The following MAOA variants were observed in gnomAD, a reference collection of about 807,000 sequenced individuals.
MAOA encodes monoamine oxidase A, also known as amine oxidase [flavin-containing] A.
In MAOA, 6 loss-of-function variants were observed where a neutral mutation model predicts 42.0. That is an observed-to-expected ratio of 0.14 (90% CI 0.08 to 0.28). The LOEUF is 0.28. Among genes scored for constraint, MAOA ranks in the 10% least tolerant of loss-of-function variants. The pLI is 1.00. For missense variants in MAOA, 262 were observed against 422.3 expected (o/e 0.62, Z 3.33); for synonymous variants, 140 against 154.0 (o/e 0.91, Z 0.67).
At chrX:43,735,612 A>G (rs966533243) in intron 9 of MAOA, among the ~76,000 whole-genome samples, 3 of 112,635 alleles carry the variant, frequency 2.7e-5, no homozygotes, top group African/African-American at 6.5e-5. Flanking sequence ...TTGAGCTCCA[A>G]TGTTGTCCCA....
In MAOA at chrX:43,746,409, T is replaced by C. The variant is rs748724979; in HGVS notation, c.*1896T>C. 2 of 111,984 alleles carry C rather than the reference T, an allele frequency of 1.8e-5. No homozygotes were observed. The highest frequency in any genetic ancestry group is 3.2e-5 in the African/African-American group (1 of 30,777). The allele number at this position is 111,984 out of a possible 1,213,427, so 9.2% of individuals were successfully genotyped here. On this transcript the variant is annotated 3_prime_UTR_variant, in exon 15 of 15. Coordinates refer to ENST00000338702, the MANE Select transcript of MAOA (RefSeq NM_000240.4). Reference sequence around the variant, plus strand: ...ATTGGAGCTGAGGACTCTCACGATATGCAAGTTCATCCAACGTGAAGATAC... The same window carrying C: ...ATTGGAGCTGAGGACTCTCACGATACGCAAGTTCATCCAACGTGAAGATAC...
At chrX:43,681,878 A>AT (rs1282241261) in intron 1 of MAOA, among the ~76,000 whole-genome samples, 34,787 of 79,676 alleles carry the variant, frequency 0.44, 6,976 homozygotes, top group Non-Finnish European at 0.55. Flanking sequence ...ATATATATAT[A>AT]TATTTTTTTT....
chrX:43,684,707 T>C (rs1399306910), intron 2 of MAOA, among the ~76,000 whole-genome samples: 1 of 110,960 alleles, frequency 9.0e-6, no homozygotes, highest in Non-Finnish European at 1.9e-5. Context: ...AAAGGAAGCA[T>C]CTATCTAACT....
At chrX:43,700,202 A>G (rs190519979) in intron 3 of MAOA, among the ~76,000 whole-genome samples, 227 of 112,145 alleles carry the variant, frequency 2.0e-3, no homozygotes, top group African/African-American at 7.0e-3. Flanking sequence ...CCTCAGAGTA[A>G]AAAGCATTAT....
At chrX:43,724,918 C>T (rs1257419898) in intron 5 of MAOA, among the ~76,000 whole-genome samples, 1 of 111,902 alleles carries the variant, frequency 8.9e-6, no homozygotes, top group Non-Finnish European at 1.9e-5. Flanking sequence ...TTTCTGTCTT[C>T]ATTTTGTTAA....
chrX:43,690,951 G>A (rs1483923589), intron 2 of MAOA, among the ~76,000 whole-genome samples: 1 of 111,217 alleles, frequency 9.0e-6, no homozygotes. Flanking sequence ...GGTAAAAAGG[G>A]AATAAATCAA....
intron 2 of MAOA, among the ~76,000 whole-genome samples, chrX:43,686,232 C>T (rs765736149): frequency 1.3e-4 from 15 of 112,138 alleles, no homozygotes; most frequent in Middle Eastern, 4.2e-3. Context: ...GAGCATTAGT[C>T]ATGTTGCGGA....
At chrX:43,737,363 G>A (rs2033927675) in intron 10 of MAOA, among the ~76,000 whole-genome samples, 1 of 111,888 alleles carries the variant, frequency 8.9e-6, no homozygotes. Context: ...TAGTGCATTT[G>A]TGATACTGTA....
In MAOA at chrX:43,745,453, A is replaced by G. The variant is rs775403354; in HGVS notation, c.*940A>G. On this transcript the variant is annotated 3_prime_UTR_variant, in exon 15 of 15. Coordinates refer to ENST00000338702, the MANE Select transcript of MAOA (RefSeq NM_000240.4). ...CAGTTTTCTTTTAATTTTTCCTATG[A>G]CCATAAAATTAGACATACCTCTCAA... The G allele has an allele frequency of 3.4e-4, 38 of 112,042 alleles. No homozygotes were observed. Among genetic ancestry groups the G allele is most frequent in the Non-Finnish European group, 6.4e-4 (34 of 53,221 alleles). 9.2% of individuals were successfully genotyped at this position (112,042 alleles called of 1,213,427 possible). A position where few individuals can be genotyped will look rare whatever the true frequency, so the allele number is the denominator to read the frequency against.
intron 10 of MAOA, among the ~76,000 whole-genome samples, chrX:43,737,203 T>C (rs1387992257): frequency 9.0e-6 from 1 of 110,586 alleles, no homozygotes; most frequent in Non-Finnish European, 1.9e-5. Flanking sequence ...AAGTGGTAAA[T>C]GGTTGAATCT....
At position 43,744,532 on chromosome X, in the gene MAOA, T is replaced by G. The variant is rs779381270; in HGVS notation, c.*19T>G. The stretch of plus-strand genomic sequence containing the variant: ...GTCTTGAAGTTCTGTTCTTATGCTC[T>G]CTGCTCACTGGTTTTCAATACCACC... On this transcript the variant is annotated 3_prime_UTR_variant, in exon 15 of 15. Coordinates refer to ENST00000338702, the MANE Select transcript of MAOA (RefSeq NM_000240.4). 2 of 1,206,010 alleles carry G rather than the reference T, an allele frequency of 1.7e-6. No homozygotes were observed. The highest frequency in any genetic ancestry group is 2.2e-6 in the Non-Finnish European group (2 of 890,179).
intron 1 of MAOA, among the ~76,000 whole-genome samples, chrX:43,678,497 C>A (rs1380834873): frequency 8.9e-6 from 1 of 112,134 alleles, no homozygotes; most frequent in Non-Finnish European, 1.9e-5. Flanking sequence ...ACTTAAGAAT[C>A]TTTTCTAACA....
At position 43,711,907 on chromosome X, in the gene MAOA, A is replaced by C; in HGVS notation, c.342A>C (p.Pro114=). 8.3e-7 allele frequency: 1 copy of C among 1,208,992 alleles called. No homozygotes were observed. The highest frequency in any genetic ancestry group is 1.1e-6 in the Non-Finnish European group (1 of 893,004). ...ATCCATTTCGGGGCGCCTTTCCACC[A>C]GTATGGAATCCCATTGCATATTTGG... is the stretch of plus-strand genomic sequence containing the variant. The part of the protein sequence containing the change: ...KTYPFRGAFP[P]VWNPIAYLDY... The change falls in exon 4 of 15, where the codon CCA becomes CCC. Residue 114 remains proline (P), a synonymous_variant. Coordinates refer to ENST00000338702, the MANE Select transcript of MAOA (RefSeq NM_000240.4).
At chrX:43,710,750 C>T (rs2033693723) in intron 3 of MAOA, among the ~76,000 whole-genome samples, 1 of 111,968 alleles carries the variant, frequency 8.9e-6, no homozygotes, top group Admixed American at 9.5e-5. Flanking sequence ...TTGGCTGTTA[C>T]ACAATGAAAT....
At position 43,744,094 on chromosome X, in the gene MAOA, G is replaced by T. The variant is rs189784087; in HGVS notation, c.1375-15G>T. The T allele has an allele frequency of 4.8e-5, 58 of 1,204,993 alleles. No individual in the cohort carries two copies. In the South Asian group the frequency reaches 5.8e-4, roughly 12 times the overall value. ...TACAGCCTCTTTTCATAATACCATG[G>T]TGACTTTCTTTCAGGTCTTAAATGG... On this transcript the variant is annotated splice_polypyrimidine_tract_variant and intron_variant, in intron 13 of 14. Transcript: ENST00000338702.
chrX:43,725,044 C>T (rs1355106453), intron 5 of MAOA, among the ~76,000 whole-genome samples: 3 of 111,508 alleles, frequency 2.7e-5, no homozygotes, highest in Non-Finnish European at 5.7e-5. Context: ...ACAGACAGTT[C>T]GTTGTGATTT....
At chrX:43,725,557 A>G (rs2033825854) in intron 5 of MAOA, among the ~76,000 whole-genome samples, 1 of 108,824 alleles carries the variant, frequency 9.2e-6, no homozygotes, top group Admixed American at 9.9e-5. Flanking sequence ...TTTTGAGCCT[A>G]TGTGTGTCTT....
intron 1 of MAOA, among the ~76,000 whole-genome samples, chrX:43,667,564 A>G (rs2033293460): frequency 8.9e-6 from 1 of 111,868 alleles, no homozygotes; most frequent in Non-Finnish European, 1.9e-5. Context: ...CACATTTCAT[A>G]TATCTGTAGG....
chrX:43,677,327 G>A (rs996183282), intron 1 of MAOA, among the ~76,000 whole-genome samples: 2 of 111,899 alleles, frequency 1.8e-5, no homozygotes, highest in African/African-American at 6.5e-5. Flanking sequence ...CAGAATTGGT[G>A]GTAACACAGT....
Sources: gnomAD v4.1 joint callset for allele counts (sites outside exome capture counted in the v4.1 genomes callset) on GRCh38, gnomAD v4.1.1 for gene constraint, MANE v1.5 for transcripts, NCBI Gene and HGNC (gene_info 2026-07-23, HGNC 2026-07-21) for gene names.